Variants in MARCHF1 observed in about 807,000 individuals in gnomAD.
The protein encoded by MARCHF1 is membrane associated ring-CH-type finger 1.
A neutral mutation model predicts 54.2 loss-of-function variants in MARCHF1; 40 were observed. That is an observed-to-expected ratio of 0.74 (90% confidence interval 0.57 to 0.96). The LOEUF (loss-of-function observed/expected upper bound fraction) is 0.96, where lower values mean the gene tolerates loss of function less well. Ranked by LOEUF, MARCHF1 falls within the 40% of genes least tolerant of loss-of-function variation. MARCHF1 has a pLI of 0.00. For missense variants in MARCHF1, 586 were observed against 656.5 expected (o/e 0.89, Z 1.17); for synonymous variants, 236 against 236.3 (o/e 1.00, Z 0.01).
intron 2 of MARCHF1, among the ~76,000 whole-genome samples, chr4:164,041,949 A>G (rs973976307): frequency 6.6e-6 from 1 of 152,160 alleles, no homozygotes; most frequent in African/African-American, 2.4e-5. Context: ...TAAATGATCA[A>G]TCCAGGCTTG....
chr4:163,993,723 G>A (rs1215100813), intron 2 of MARCHF1, among the ~76,000 whole-genome samples: 1 of 151,818 alleles, frequency 6.6e-6, no homozygotes, highest in Non-Finnish European at 1.5e-5. Flanking sequence ...TAACACTATG[G>A]GACTGATCTT....
intron 2 of MARCHF1, among the ~76,000 whole-genome samples, chr4:164,047,597 T>C (rs1006279076): frequency 1.3e-5 from 2 of 152,222 alleles, no homozygotes; most frequent in Non-Finnish European, 2.9e-5. Context: ...TTTGACCATA[T>C]AGATATCTAA....
chr4:164,288,224 A>AG (rs397797806), intron 1 of MARCHF1, among the ~76,000 whole-genome samples: 1 of 151,492 alleles, frequency 6.6e-6, no homozygotes, highest in African/African-American at 2.4e-5. Flanking sequence ...TTGAGAAAAA[A>AG]GTAGAAGAAA....
intron 1 of MARCHF1, among the ~76,000 whole-genome samples, chr4:164,182,256 T>C (rs572157198): frequency 1.8e-4 from 28 of 152,120 alleles, no homozygotes; most frequent in African/African-American, 6.0e-4. Flanking sequence ...TGAATAAAGA[T>C]AGAATAATTT....
intron 1 of MARCHF1, among the ~76,000 whole-genome samples, chr4:164,318,915 TTAA>T (rs1311241151): frequency 1.3e-5 from 2 of 152,226 alleles, no homozygotes; most frequent in African/African-American, 4.8e-5. Flanking sequence ...TCTATTTAAA[TTAA>T]TCATGAAATT....
intron 1 of MARCHF1, chr4:164,197,060 C>T (rs770712984): frequency 2.9e-5 from 46 of 1,606,000 alleles, no homozygotes; most frequent in Non-Finnish European, 3.6e-5. Context: ...TCATCTTCCT[C>T]GCCATCTACC....
At chr4:163,722,801 T>A (rs1357083174) in intron 4 of MARCHF1, among the ~76,000 whole-genome samples, 1 of 152,210 alleles carries the variant, frequency 6.6e-6, no homozygotes, top group African/African-American at 2.4e-5. Flanking sequence ...TCTCTTTTGA[T>A]CTTTGTTGGT....
intron 3 of MARCHF1, among the ~76,000 whole-genome samples, chr4:163,895,032 GCACA>G (rs1309439330): frequency 1.3e-5 from 2 of 150,600 alleles, no homozygotes; most frequent in African/African-American, 4.9e-5. Context: ...TGCATGTGAT[GCACA>G]CATATACATA....
At chr4:164,171,099 A>T (rs1177223012) in intron 1 of MARCHF1, among the ~76,000 whole-genome samples, 1 of 152,198 alleles carries the variant, frequency 6.6e-6, no homozygotes, top group African/African-American at 2.4e-5. Flanking sequence ...CATTCAATAA[A>T]TATTGCAATT....
chr4:163,604,049 CT>C (rs1741064749), intron 7 of MARCHF1, among the ~76,000 whole-genome samples: 1 of 152,138 alleles, frequency 6.6e-6, no homozygotes, highest in Non-Finnish European at 1.5e-5. Context: ...GCATTGGCTT[CT>C]TTCCCCCTCC....
chr4:164,044,196 A>C (rs1238555269), intron 2 of MARCHF1, among the ~76,000 whole-genome samples: 1 of 152,154 alleles, frequency 6.6e-6, no homozygotes, highest in Non-Finnish European at 1.5e-5. Context: ...AGTGCCCCAC[A>C]CATAGTACCA....
intron 7 of MARCHF1, among the ~76,000 whole-genome samples, chr4:163,604,243 G>A (rs963485491): frequency 6.6e-5 from 10 of 152,044 alleles, no homozygotes; most frequent in African/African-American, 2.2e-4. Flanking sequence ...ATCTCTCTTT[G>A]GATATTTGTC....
chr4:164,040,095 T>A (rs116545374), intron 2 of MARCHF1, among the ~76,000 whole-genome samples: 12,180 of 145,572 alleles, frequency 0.084, 623 homozygotes, highest in South Asian at 0.21. Context: ...TATACATATA[T>A]AAGTATATTT....
chr4:164,283,636 G>A (rs564590964), intron 1 of MARCHF1, among the ~76,000 whole-genome samples: 6 of 151,058 alleles, frequency 4.0e-5, no homozygotes, highest in African/African-American at 1.5e-4. Flanking sequence ...CAGAATGCGT[G>A]TACTCATTAA....
chr4:164,247,718 A>G (rs1732996887), intron 1 of MARCHF1, among the ~76,000 whole-genome samples: 1 of 151,156 alleles, frequency 6.6e-6, no homozygotes, highest in Non-Finnish European at 1.5e-5. Context: ...CAGAGATATT[A>G]TGTCGCTGTT....
At chr4:163,938,273 C>A (rs1751843123) in intron 3 of MARCHF1, among the ~76,000 whole-genome samples, 1 of 152,094 alleles carries the variant, frequency 6.6e-6, no homozygotes, top group African/African-American at 2.4e-5. Flanking sequence ...AGCTTTGGGG[C>A]ACAAAAAGCA....
At chr4:163,771,645 ACC>A (rs1747164709) in intron 4 of MARCHF1, among the ~76,000 whole-genome samples, 1 of 152,150 alleles carries the variant, frequency 6.6e-6, no homozygotes, top group African/African-American at 2.4e-5. Flanking sequence ...TAATATCATC[ACC>A]TTGGGAGATA....
At chr4:163,726,338 C>G (rs1244602734) in intron 4 of MARCHF1, among the ~76,000 whole-genome samples, 1 of 152,166 alleles carries the variant, frequency 6.6e-6, no homozygotes, top group Non-Finnish European at 1.5e-5. Context: ...TTTGCCTTTT[C>G]TAGAATGTCA....
intron 8 of MARCHF1, 173 bp downstream of exon 8, chr4:163,585,576 A>G: frequency 2.2e-6 from 1 of 445,752 alleles, no homozygotes; most frequent in African/African-American, 2.0e-5. Flanking sequence ...GAAGAAAGGA[A>G]GGATTATCTG....
Sources: gnomAD v4.1 joint callset for allele counts (sites outside exome capture counted in the v4.1 genomes callset) on GRCh38, gnomAD v4.1.1 for gene constraint, MANE v1.5 for transcripts, NCBI Gene and HGNC (gene_info 2026-07-23, HGNC 2026-07-21) for gene names.